Variants in CFAP99 observed in about 807,000 individuals in gnomAD.
CFAP99 encodes cilia and flagella associated protein 99, also known as cilia- and flagella-associated protein 99.
CFAP99 carries 84 observed loss-of-function variants against 82.7 expected under a neutral mutation model. The ratio of observed to expected loss-of-function variants is 1.02; its 90% CI spans 0.85 to 1.22. The LOEUF is 1.22. CFAP99 is among the 50% of genes most tolerant of loss of function. The pLI, the probability that CFAP99 is intolerant of heterozygous loss-of-function variation, is 0.00. For missense variants in CFAP99, 1,059 were observed against 983.5 expected, an observed-to-expected ratio of 1.08 and a Z score of -1.03; for synonymous variants, 456 against 429.5, an observed-to-expected ratio of 1.06 and a Z score of -0.76.
intron 11 of CFAP99, among the ~76,000 whole-genome samples, chr4:2,456,214 T>G (rs1197145177): frequency 2.6e-5 from 4 of 152,086 alleles, no homozygotes; most frequent in Non-Finnish European, 5.9e-5. Context: ...TTTATTTTTT[T>G]GGGAGATGCG....
Position 2,462,439 on chromosome 4 carries a change from C to T in CFAP99, c.1662-4C>T. 2 of 1,437,552 alleles carry T rather than the reference C, an allele frequency of 1.4e-6. No individual in the cohort carries two copies. Among genetic ancestry groups the T allele is most frequent in the Admixed American group, 3.0e-5 (1 of 32,948 alleles). 89.0% of individuals were successfully genotyped at this position (1,437,552 alleles called of 1,614,324 possible). A position where few individuals can be genotyped will look rare whatever the true frequency, so the allele number is the denominator to read the frequency against. On this transcript the variant is annotated splice_polypyrimidine_tract_variant and splice_region_variant and intron_variant, in intron 14 of 14. Transcript: ENST00000635017. This position sits in a 1 kb window ranked among gnomAD's most constrained non-coding sequence, Gnocchi z 4.1. ...GCTCCTGAGCCCGCCGCGTCGCCCGCCAGGTGGGAGGAAAAGAAGGCCCTT... is the reference window on the plus strand; with the variant it reads ...GCTCCTGAGCCCGCCGCGTCGCCCGTCAGGTGGGAGGAAAAGAAGGCCCTT...
chr4:2,458,781 A>AGGACCTGGTGGAGCAGGT, exon 12 of CFAP99: 1 of 1,535,942 alleles, frequency 6.5e-7, no homozygotes. Context: ...AGGTCCAGGA[A>AGGACCTGGTGGAGCAGGT]GGAGCTGGTG....
intron 11 of CFAP99, among the ~76,000 whole-genome samples, chr4:2,455,720 C>A (rs975269895): frequency 6.6e-6 from 1 of 152,122 alleles, no homozygotes; most frequent in Non-Finnish European, 1.5e-5. Context: ...TCTCCTCACA[C>A]CAGGTTACAC....
At position 2,446,072 on chromosome 4, in the gene CFAP99, G is replaced by A. The variant is rs527434900; in HGVS notation, c.642+764G>A. On this transcript the variant is annotated intron_variant, in intron 6 of 14. Coordinates refer to ENST00000635017, the Ensembl canonical transcript of CFAP99. This position sits in a 1 kb window ranked among gnomAD's most constrained non-coding sequence, Gnocchi z 5.0. ...AACGTGGTTCTGCAACAGGACTAAGGGCTATATGGGAGGGGAAGGGGATGG... is the reference window on the plus strand; with the variant it reads ...AACGTGGTTCTGCAACAGGACTAAGAGCTATATGGGAGGGGAAGGGGATGG... Among the ~76,000 whole-genome samples the A allele has an allele frequency of 6.6e-6, 1 of 152,302 alleles. No individual in the cohort carries two copies. Among genetic ancestry groups the A allele is most frequent in the African/African-American group, 2.4e-5 (1 of 41,562 alleles).
At chr4:2,430,387 C>G (rs111357769) in intron 2 of CFAP99, among the ~76,000 whole-genome samples, 1 of 25,730 alleles carries the variant, frequency 3.9e-5, no homozygotes. Flanking sequence ...GTAAACCAAA[C>G]GGCAGACTCC....
intron 4 of CFAP99, among the ~76,000 whole-genome samples, chr4:2,439,598 T>C (rs928621838): frequency 1.3e-5 from 2 of 152,148 alleles, no homozygotes; most frequent in Admixed American, 6.5e-5. Context: ...ACTGTACACA[T>C]CAATGACACA....
At chr4:2,436,419 G>A (rs747632825) in intron 2 of CFAP99, among the ~76,000 whole-genome samples, 1 of 152,106 alleles carries the variant, frequency 6.6e-6, no homozygotes, top group Non-Finnish European at 1.5e-5. Context: ...ATTTTTCAGC[G>A]TAGAGTTCCG....
intron 14 of CFAP99, among the ~76,000 whole-genome samples, chr4:2,461,208 C>A (rs552182385): frequency 2.0e-5 from 3 of 152,140 alleles, no homozygotes; most frequent in African/African-American, 7.2e-5. Context: ...GCAGCCAGGT[C>A]AGACATGGGC....
intron 11 of CFAP99, among the ~76,000 whole-genome samples, chr4:2,456,062 C>T (rs1343893728): frequency 6.6e-6 from 1 of 152,124 alleles, no homozygotes; most frequent in African/African-American, 2.4e-5. Context: ...TTGGGGTCTA[C>T]CTGAATGTTC....
chr4:2,444,922 T>C lies in CFAP99; in HGVS notation c.465-209T>C, dbSNP rs761534527. On this transcript the variant is annotated intron_variant, in intron 5 of 14. Transcript: ENST00000635017. ...ATTTCCTGTATCTGTACAAGGGGAC[T>C]GCGTCTGTATATGTTTCAGGGGTTT... is the stretch of plus-strand genomic sequence containing the variant. Among the ~76,000 whole-genome samples, 147 of 152,288 alleles carry C rather than the reference T, an allele frequency of 9.7e-4. 3 individuals carry two copies. The highest frequency in any genetic ancestry group is 3.4e-3 in the Middle Eastern group (1 of 294).
At chr4:2,458,847 A>C in exon 12 of CFAP99, 1 of 1,535,316 alleles carries the variant, frequency 6.5e-7, no homozygotes, top group Non-Finnish European at 8.7e-7. Flanking sequence ...AAGCTCGCGA[A>C]GGGCCGACAG....
At chr4:2,421,320 TAAGGA>T (rs943241755) in intron 1 of CFAP99, among the ~76,000 whole-genome samples, 15 of 150,230 alleles carry the variant, frequency 1.0e-4, no homozygotes, top group African/African-American at 3.2e-4. Flanking sequence ...AAATATTTCC[TAAGGA>T]AAGAGAAGCT....
At chr4:2,455,941 A>C (rs1734415004) in intron 11 of CFAP99, among the ~76,000 whole-genome samples, 2 of 152,178 alleles carry the variant, frequency 1.3e-5, no homozygotes, top group African/African-American at 4.8e-5. Flanking sequence ...TTTCTGCTTG[A>C]GGTCCTAGTA....
At position 2,454,335 on chromosome 4, in the gene CFAP99, CTG is replaced by C. The variant is rs376243314; in HGVS notation, c.1161+1993_1161+1994del. On this transcript the variant is annotated intron_variant, in intron 11 of 14. Transcript: ENST00000635017. ...TATTTTTAGTAGAGATGGGTTTTCA[CTG>C]TGTTGGCCAGGCTGGTCTCAAACTC... Among the ~76,000 whole-genome samples, 541 of 152,150 alleles carry C rather than the reference CTG, an allele frequency of 3.6e-3. 6 individuals carry two copies. The highest frequency in any genetic ancestry group is 0.013 in the African/African-American group (523 of 41,502).
chr4:2,447,190 GTGAA>G (rs1269298478), intron 6 of CFAP99, among the ~76,000 whole-genome samples: 5 of 151,150 alleles, frequency 3.3e-5, no homozygotes, highest in Non-Finnish European at 7.4e-5. Flanking sequence ...GGATGGGTGA[GTGAA>G]TGAATGAATG....
intron 6 of CFAP99, among the ~76,000 whole-genome samples, chr4:2,449,417 T>C (rs1222281562): frequency 6.6e-6 from 1 of 151,818 alleles, no homozygotes; most frequent in Non-Finnish European, 1.5e-5. Flanking sequence ...GGCTCATGTC[T>C]TACCCCACCC....
At chr4:2,458,332 TA>T (rs1734483913) in intron 11 of CFAP99, among the ~76,000 whole-genome samples, 1 of 152,244 alleles carries the variant, frequency 6.6e-6, no homozygotes, top group Non-Finnish European at 1.5e-5. Flanking sequence ...AGAAAAGCCG[TA>T]AATATAGAAC....
intron 11 of CFAP99, among the ~76,000 whole-genome samples, chr4:2,455,244 T>C (rs536709485): frequency 6.6e-6 from 1 of 152,272 alleles, no homozygotes; most frequent in Non-Finnish European, 1.5e-5. Context: ...TATAATAGAT[T>C]GTTGCAGATT....
chr4:2,456,177 T>TA (rs1218265090), intron 11 of CFAP99, among the ~76,000 whole-genome samples: 1 of 152,092 alleles, frequency 6.6e-6, no homozygotes, highest in Non-Finnish European at 1.5e-5. Context: ...TTTCAACAGT[T>TA]ACCAGGTTTT....
Sources: gnomAD v4.1 joint callset for allele counts (sites outside exome capture counted in the v4.1 genomes callset) on GRCh38, gnomAD v4.1.1 for gene constraint, Gnocchi (gnomAD v3.1) non-coding constraint, MANE v1.5 for transcripts, NCBI Gene and HGNC (gene_info 2026-07-23, HGNC 2026-07-21) for gene names.